Variants in SLFN11 observed in about 807,000 individuals in gnomAD.
SLFN11 encodes schlafen family member 11.
A neutral mutation model predicts 53.4 loss-of-function variants in SLFN11; 43 were observed. That is an observed-to-expected ratio of 0.80 (90% confidence interval 0.63 to 1.04). The LOEUF (loss-of-function observed/expected upper bound fraction) is 1.04, where lower values mean the gene tolerates loss of function less well. SLFN11 is among the 50% of genes least tolerant of loss of function. The pLI, the probability that SLFN11 is intolerant of heterozygous loss-of-function variation, is 0.00. For synonymous variants in SLFN11, 389 were observed against 394.7 expected (o/e 0.99, Z 0.17); for missense variants, 990 against 1,079.1 (o/e 0.92, Z 1.16).
At chr17:35,357,936 T>G (rs561066783) in intron 5 of SLFN11, among the ~76,000 whole-genome samples, 12 of 146,542 alleles carry the variant, frequency 8.2e-5, no homozygotes, top group East Asian at 7.8e-4. Flanking sequence ...AAATAATATA[T>G]ATTATTTATA....
rs1906883521 is a variant in SLFN11, at chr17:35,352,762, G to A, written c.2300C>T (p.Ala767Val). The A allele has an allele frequency of 6.2e-7, 1 of 1,614,074 alleles. No homozygotes were observed. Among genetic ancestry groups the A allele is most frequent in the South Asian group, 1.1e-5 (1 of 91,090 alleles). Residue 767 changes from alanine (A) to valine (V), a missense_variant, in exon 7 of 7, where the codon GCC becomes GTC. Physicochemically the swap from Ala to Val is moderately conservative, Grantham distance 64. Coordinates refer to ENST00000685675, the MANE Select transcript of SLFN11 (RefSeq NM_001376007.1). ...TCCCTGAACACCCTGGGACCATTCGGCTTCAGGAAATACCTCGAGGCACCC... is the reference window on the plus strand; with the variant it reads ...TCCCTGAACACCCTGGGACCATTCGACTTCAGGAAATACCTCGAGGCACCC... ...PTGCLEVFPE[A>V]EWSQGVQGTL...
At position 35,352,311 on chromosome 17, in the gene SLFN11, T is replaced by G. The variant is rs753438593; in HGVS notation, c.*45A>C. ...AGAAAGGTTTCTACCATCAGCAGAC[T>G]GTCACCCATAGACATTTACATAGCA... On this transcript the variant is annotated 3_prime_UTR_variant, in exon 7 of 7. Transcript: ENST00000685675. The G allele has an allele frequency of 6.3e-7, 1 of 1,596,346 alleles. No homozygotes were observed. Among genetic ancestry groups the G allele is most frequent in the South Asian group, 1.1e-5 (1 of 89,424 alleles).
In SLFN11 at chr17:35,360,250, T is replaced by G. The variant is rs1337168337; in HGVS notation, c.1191A>C (p.Leu397Phe). 2.5e-6 allele frequency: 4 copies of G among 1,609,866 alleles called. No individual in the cohort carries two copies. The highest frequency in any genetic ancestry group is 3.4e-6 in the Non-Finnish European group (4 of 1,178,848). The change falls in exon 5 of 7, where the codon TTA (leucine) becomes TTC (phenylalanine). Residue 397 changes from leucine (L) to phenylalanine (F), a missense_variant. Physicochemically the swap from Leu to Phe is conservative, Grantham distance 22 (BLOSUM62 0). Coordinates refer to ENST00000685675, the MANE Select transcript of SLFN11 (RefSeq NM_001376007.1). ...AAGACAAACCATAATTACCTGAAAA[T>G]AAAAGTTGCTGGAGTTCCTTTTTAT... Reference protein sequence around the residue: ...LEHKKELQQLLFSVPPGYLRY... With the variant: ...LEHKKELQQLFFSVPPGYLRY...
chr17:35,357,769 T>C (rs1907701952), intron 5 of SLFN11, among the ~76,000 whole-genome samples: 1 of 144,372 alleles, frequency 6.9e-6, no homozygotes, highest in Non-Finnish European at 1.5e-5. Context: ...AAATATATAA[T>C]ATATAAATAT....
chr17:35,369,799 A>G (rs989079585), intron 1 of SLFN11, among the ~76,000 whole-genome samples: 1 of 152,088 alleles, frequency 6.6e-6, no homozygotes, highest in Non-Finnish European at 1.5e-5. Context: ...CATACAACCT[A>G]CCAAGATTGA....
At chr17:35,371,811 C>T (rs1909704257) in intron 1 of SLFN11, among the ~76,000 whole-genome samples, 5 of 152,118 alleles carry the variant, frequency 3.3e-5, no homozygotes, top group Admixed American at 6.5e-5. Context: ...ATCCAAAAGA[C>T]GGGCAATAAC....
rs1326154014 is a variant in SLFN11 at position 35,350,735 on chromosome 17, A to C, written c.*1621T>G. ...TAAGTTAGGAGAGCCTGCAATTTCA[A>C]GCCCAGATAACTGGAATTCCATGAA... On this transcript the variant is annotated 3_prime_UTR_variant, in exon 7 of 7. Transcript: ENST00000685675. 4 of 152,378 alleles carry C rather than the reference A, an allele frequency of 2.6e-5. No individual in the cohort carries two copies. In the East Asian group the frequency reaches 7.7e-4, roughly 29 times the overall value. The allele number at this position is 152,378 out of a possible 1,614,324, so 9.4% of individuals were successfully genotyped here. A position where few individuals can be genotyped will look rare whatever the true frequency, so the allele number is the denominator to read the frequency against.
chr17:35,353,257 T>C, intron 6 of SLFN11, 79 bp downstream of exon 6: 2 of 1,605,290 alleles, frequency 1.2e-6, no homozygotes, highest in Non-Finnish European at 1.7e-6. Context: ...CACTCAATTC[T>C]CAAGAAAGAC....
At chr17:35,353,182 A>C (rs1436621934) in intron 6 of SLFN11, 43 bp from the exon 7 acceptor site, 69 of 1,595,884 alleles carry the variant, frequency 4.3e-5, no homozygotes, top group Non-Finnish European at 5.8e-5. Context: ...CTCTAAAAAA[A>C]CAAGGGGAGA....
chr17:35,365,819 A>G (rs1377022577), intron 3 of SLFN11, among the ~76,000 whole-genome samples: 2 of 152,192 alleles, frequency 1.3e-5, no homozygotes. Flanking sequence ...CATTTAGATT[A>G]AAATATTTTA....
rs550054913 is a variant in SLFN11 at position 35,363,206 on chromosome 17, T to C, written c.602A>G (p.Tyr201Cys). 6 of 1,614,072 alleles carry C rather than the reference T, an allele frequency of 3.7e-6. No homozygotes were observed. The African/African-American group carries it at 5.3e-5, about 14-fold the overall frequency. ...DLIFQKDYLE[Y>C]GEILPFPESQ... Reference sequence around the variant, plus strand: ...CTCAGGAAAAGGCAGGATTTCACCATATTCAAGATAGTCTTTTTGGAAAAT... The same window carrying C: ...CTCAGGAAAAGGCAGGATTTCACCACATTCAAGATAGTCTTTTTGGAAAAT... Residue 201 changes from tyrosine (Y) to cysteine (C), a missense_variant, in exon 4 of 7, where the codon TAT becomes TGT. This residue lies in a region of SLFN11 where 521 missense variants were observed against 516.2 expected (regional missense o/e 1.01). Transcript: ENST00000685675.
In SLFN11 at chr17:35,362,805, C is replaced by T. The variant is rs899647403; in HGVS notation, c.1003G>A (p.Glu335Lys). ...FSEAPNSWIVEDKYVCSLTTE... is the reference protein window; with the variant it reads ...FSEAPNSWIVKDKYVCSLTTE... ...GTCAGGCTGCAGACGTACTTGTCCT[C>T]CACTATCCATGAATTGGGAGCTTCT... Residue 335 changes from glutamate (E) to lysine (K), a missense_variant, in exon 4 of 7, where the codon GAG (glutamate) becomes AAG (lysine). By Grantham distance (56) the Glu-to-Lys change is moderately conservative (BLOSUM62 1). Transcript: ENST00000685675. 1.9e-6 allele frequency: 3 copies of T among 1,611,804 alleles called. No homozygotes were observed. The highest frequency in any genetic ancestry group is 2.5e-6 in the Non-Finnish European group (3 of 1,178,960).
In SLFN11 at chr17:35,351,428, GAAAGT is replaced by G. The variant is rs1403181656; in HGVS notation, c.*923_*927del. ...CCATAACAATGGCCCACCAAACCAT[GAAAGT>G]AAATAGAAAAAAAATCACAGTTCAA... On this transcript the variant is annotated 3_prime_UTR_variant, in exon 7 of 7. Coordinates refer to ENST00000685675, the MANE Select transcript of SLFN11 (RefSeq NM_001376007.1). The G allele has an allele frequency of 5.3e-5, 8 of 152,168 alleles. No individual in the cohort carries two copies. The highest frequency in any genetic ancestry group is 1.9e-4 in the African/African-American group (8 of 41,428). The allele number at this position is 152,168 out of a possible 1,614,324, so 9.4% of individuals were successfully genotyped here.
At position 35,362,859 on chromosome 17, in the gene SLFN11, C is replaced by G; in HGVS notation, c.949G>C (p.Val317Leu). 6 of 1,613,992 alleles carry G rather than the reference C, an allele frequency of 3.7e-6. No homozygotes were observed. Among genetic ancestry groups the G allele is most frequent in the Middle Eastern group, 1.7e-4 (1 of 6,056 alleles). The stretch of plus-strand genomic sequence containing the variant: ...AACACTGCACAGCAGAAGGGATTTA[C>G]TCTGATCATGCAAGCATAGCCATAG... ...ELYGYACMIR[V>L]NPFCCAVFSE... Residue 317 changes from valine (V) to leucine (L), a missense_variant, in exon 4 of 7, where the codon GTA (valine) becomes CTA (leucine). Coordinates refer to ENST00000685675, the MANE Select transcript of SLFN11 (RefSeq NM_001376007.1).
chr17:35,367,602 C>A lies in SLFN11; in HGVS notation c.-137+1G>T, dbSNP rs1329920538. 6.6e-6 allele frequency: 1 copy of A among 152,156 alleles called. No individual in the cohort carries two copies. The highest frequency in any genetic ancestry group is 6.5e-5 in the Admixed American group (1 of 15,282). The allele number at this position is 152,156 out of a possible 1,614,324, so 9.4% of individuals were successfully genotyped here. A position where few individuals can be genotyped will look rare whatever the true frequency, so the allele number is the denominator to read the frequency against. ...CAGTTTACAGGATAACTTTTTCAAACCTTTCAGTGTAGCCAGAGTTCCCAC... is the reference window on the plus strand; with the variant it reads ...CAGTTTACAGGATAACTTTTTCAAAACTTTCAGTGTAGCCAGAGTTCCCAC... On this transcript the variant is annotated splice_donor_variant, in intron 2 of 6. Transcript: ENST00000685675. LOFTEE classifies it low-confidence loss of function (5UTR_SPLICE).
rs1366265599 is a variant in SLFN11 at position 35,363,403 on chromosome 17, T to A, written c.405A>T (p.Arg135Ser). ...LCSLSSSLYR[R>S]SETSVRSMDS... ...CCATGGAACGCACAGAGGTCTCAGA[T>A]CTACGGTATAATGAAGAACTGAGGC... Residue 135 changes from arginine to serine, a missense_variant, in exon 4 of 7, where the codon AGA (arginine) becomes AGT (serine). Transcript: ENST00000685675. The A allele has an allele frequency of 6.2e-7, 1 of 1,613,844 alleles. No homozygotes were observed. Among genetic ancestry groups the A allele is most frequent in the Non-Finnish European group, 8.5e-7 (1 of 1,180,000 alleles).
At position 35,352,371 on chromosome 17, in the gene SLFN11, C is replaced by T. The variant is rs575021546; in HGVS notation, c.2691G>A (p.Pro897=). The T allele has an allele frequency of 2.0e-5, 33 of 1,613,606 alleles. No individual in the cohort carries two copies. The highest frequency in any genetic ancestry group is 6.7e-5 in the East Asian group (3 of 44,896). The change falls in exon 7 of 7, where the codon CCG becomes CCA. Residue 897 remains proline (P), a synonymous_variant. Coordinates refer to ENST00000685675, the MANE Select transcript of SLFN11 (RefSeq NM_001376007.1). ...SRAKQHLYIF[P]WGGH is the part of the protein sequence containing the mutation. ...GGAGTTCTTCCTAATGGCCACCCCA[C>T]GGAAAAATATACAGGTGTTGTTTTG... is the stretch of plus-strand genomic sequence containing the variant.
At position 35,373,464 on chromosome 17, in the gene SLFN11, C is replaced by T. The variant is rs1909964550; in HGVS notation, c.-235+10G>A. The T allele has an allele frequency of 6.6e-6, 1 of 151,764 alleles. No homozygotes were observed. Among genetic ancestry groups the T allele is most frequent in the South Asian group, 2.1e-4 (1 of 4,804 alleles). The allele number at this position is 151,764 out of a possible 1,614,324, so 9.4% of individuals were successfully genotyped here. A position where few individuals can be genotyped will look rare whatever the true frequency, so the allele number is the denominator to read the frequency against. Reference sequence around the variant, plus strand: ...GGTGGGGTGGGAAGGGTGCTGCTCCCTTCTCGAACCTGGCACTCGAGTTAC... The same window carrying T: ...GGTGGGGTGGGAAGGGTGCTGCTCCTTTCTCGAACCTGGCACTCGAGTTAC... On this transcript the variant is annotated intron_variant, in intron 1 of 6. Transcript: ENST00000685675.
chr17:35,368,357 T>C (rs1477035348), intron 1 of SLFN11, among the ~76,000 whole-genome samples: 1 of 152,104 alleles, frequency 6.6e-6, no homozygotes, highest in Non-Finnish European at 1.5e-5. Context: ...ATTGTGAGAC[T>C]TTGCATTGAA....
Sources: allele counts gnomAD v4.1 joint callset (sites outside exome capture counted in the v4.1 genomes callset), GRCh38; gene constraint gnomAD v4.1.1; regional missense constraint gnomAD v4.1.1; transcripts MANE v1.5; gene names NCBI Gene and HGNC (gene_info 2026-07-23, HGNC 2026-07-21).